The following PCDH15 variants were observed in gnomAD, a reference collection of about 807,000 sequenced individuals.
PCDH15 encodes protocadherin-15.
A neutral mutation model predicts 178.5 loss-of-function variants in PCDH15; 129 were observed. That is an observed-to-expected ratio of 0.72 (90% CI 0.63 to 0.84). The LOEUF (loss-of-function observed/expected upper bound fraction) is 0.84, where lower values mean the gene tolerates loss of function less well. Among genes scored for constraint, PCDH15 ranks in the 40% least tolerant of loss-of-function variants. The pLI, the probability that PCDH15 is intolerant of heterozygous loss-of-function variation, is 0.00. For synonymous variants in PCDH15, 800 were observed against 732.0 expected, an observed-to-expected ratio of 1.09 and a Z score of -1.50; for missense variants, 2,230 against 2,099.9, an observed-to-expected ratio of 1.06 and a Z score of -1.21.
At chr10:54,889,246 A>C (rs2131814026) in intron 3 of PCDH15, among the ~76,000 whole-genome samples, 1 of 151,934 alleles carries the variant, frequency 6.6e-6, no homozygotes, top group South Asian at 2.1e-4. Context: ...AATCATGTAT[A>C]ACTTTGTGTA....
intron 2 of PCDH15, among the ~76,000 whole-genome samples, chr10:55,376,304 G>A (rs78050069): frequency 2.0e-5 from 3 of 152,064 alleles, no homozygotes; most frequent in African/African-American, 7.2e-5. Context: ...TTATCCCACA[G>A]GATTTGCATT....
At chr10:54,505,748 A>G (rs1168959265) in intron 3 of PCDH15, among the ~76,000 whole-genome samples, 1 of 152,140 alleles carries the variant, frequency 6.6e-6, no homozygotes, top group Non-Finnish European at 1.5e-5. Context: ...ATACCTGTGC[A>G]ACAAAACTGC....
intron 3 of PCDH15, among the ~76,000 whole-genome samples, chr10:54,821,839 ATT>A (rs926241403): frequency 6.6e-6 from 1 of 151,458 alleles, no homozygotes; most frequent in Non-Finnish European, 1.5e-5. Flanking sequence ...TTTTGGAGGA[ATT>A]TTTTTTTATG....
At chr10:54,436,031 G>GGAGAGA (rs753698148) in intron 3 of PCDH15, among the ~76,000 whole-genome samples, 8 of 34,602 alleles carry the variant, frequency 2.3e-4, no homozygotes, top group South Asian at 1.3e-3. Context: ...GGAGAGGAGA[G>GGAGAGA]GAGAGAGAGA....
intron 2 of PCDH15, among the ~76,000 whole-genome samples, chr10:54,631,958 A>T (rs2134704762): frequency 6.6e-6 from 1 of 152,238 alleles, no homozygotes; most frequent in African/African-American, 2.4e-5. Flanking sequence ...ACACGTGGGG[A>T]TTAAAAGGAT....
intron 25 of PCDH15, among the ~76,000 whole-genome samples, chr10:53,931,577 A>C (rs1237945130): frequency 6.6e-6 from 1 of 152,042 alleles, no homozygotes; most frequent in Non-Finnish European, 1.5e-5. Context: ...GTCTCACTGA[A>C]ACAATATTCT....
intron 2 of PCDH15, among the ~76,000 whole-genome samples, chr10:55,551,914 C>T (rs1842010375): frequency 6.6e-6 from 1 of 151,708 alleles, no homozygotes; most frequent in Non-Finnish European, 1.5e-5. Context: ...TTTCCCTTTA[C>T]TTGTCTAAGT....
At chr10:54,528,461 A>G in intron 2 of PCDH15, 1 of 1,355,692 alleles carries the variant, frequency 7.4e-7, no homozygotes, top group Non-Finnish European at 1.0e-6. Flanking sequence ...GAAGAAAGAA[A>G]GGAAGAGAGA....
intron 25 of PCDH15, among the ~76,000 whole-genome samples, chr10:53,913,372 A>C (rs2083266845): frequency 6.6e-6 from 1 of 152,154 alleles, no homozygotes; most frequent in Non-Finnish European, 1.5e-5. Flanking sequence ...CTGAGGACTT[A>C]GGCATGACTA....
intron 2 of PCDH15, among the ~76,000 whole-genome samples, chr10:54,589,257 T>C (rs527282548): frequency 6.6e-6 from 1 of 152,296 alleles, no homozygotes; most frequent in South Asian, 2.1e-4. Flanking sequence ...CTTTTTGGTC[T>C]TTATCAAACA....
At chr10:54,711,938 G>A (rs1210126389) in intron 1 of PCDH15, among the ~76,000 whole-genome samples, 1 of 151,768 alleles carries the variant, frequency 6.6e-6, no homozygotes, top group Non-Finnish European at 1.5e-5. Context: ...TATGTCATAA[G>A]TAATTGTATT....
chr10:54,005,548 T>C lies in PCDH15; in HGVS notation c.2752-9783A>G, dbSNP rs2092355344. ...AAGACATACAAGTGATAAACCGGTA[T>C]ATAAAAAGGTGCTCAACATCATTGA... On this transcript the variant is annotated intron_variant, in intron 20 of 37. Transcript: ENST00000644397. Among the ~76,000 whole-genome samples the C allele has an allele frequency of 5.3e-5, 8 of 152,106 alleles. No homozygotes were observed. In the South Asian group the frequency reaches 1.4e-3, roughly 28 times the overall value.
In PCDH15 at chr10:53,831,301, C is replaced by T; in HGVS notation, c.4202+14G>A. On this transcript the variant is annotated intron_variant, in intron 30 of 37. Coordinates refer to ENST00000644397, the MANE Select transcript of PCDH15 (RefSeq NM_001384140.1). ...CTGAGGAACTATCCAGGTTTACCAT[C>T]CTTGAATACTTACTGTCTGTAGCTG... 6.2e-7 allele frequency: 1 copy of T among 1,612,410 alleles called. No homozygotes were observed. The highest frequency in any genetic ancestry group is 1.1e-5 in the South Asian group (1 of 91,048).
At chr10:55,279,340 T>C (rs1040440999) in intron 1 of PCDH15, among the ~76,000 whole-genome samples, 2 of 152,130 alleles carry the variant, frequency 1.3e-5, no homozygotes, top group Non-Finnish European at 2.9e-5. Context: ...TTCAGAAAAG[T>C]ACAGCAAGGA....
chr10:54,508,569 C>T (rs1192156408), intron 3 of PCDH15, among the ~76,000 whole-genome samples: 1 of 152,106 alleles, frequency 6.6e-6, no homozygotes, highest in Admixed American at 6.6e-5. Context: ...AAATCAAATG[C>T]TTATTTCATA....
intron 13 of PCDH15, among the ~76,000 whole-genome samples, chr10:54,174,945 A>T (rs777739466): frequency 7.9e-5 from 12 of 152,118 alleles, no homozygotes; most frequent in Non-Finnish European, 1.8e-4. Context: ...TCAGAATTAC[A>T]TGTTGGTGTA....
intron 1 of PCDH15, among the ~76,000 whole-genome samples, chr10:55,168,121 C>A (rs1027549478): frequency 6.6e-6 from 1 of 152,040 alleles, no homozygotes; most frequent in African/African-American, 2.4e-5. Context: ...CACTTTTTCA[C>A]AATAAAATTT....
chr10:54,082,855 T>C (rs2094456165), intron 16 of PCDH15, among the ~76,000 whole-genome samples: 2 of 151,652 alleles, frequency 1.3e-5, no homozygotes, highest in Non-Finnish European at 2.9e-5. Context: ...AAATCACATA[T>C]CTGGTAAGAG....
In PCDH15 at chr10:55,119,189, C is replaced by T. The variant is rs183474192; in HGVS notation, c.-80+47387G>A. Among the ~76,000 whole-genome samples the T allele has an allele frequency of 2.1e-3, 318 of 152,194 alleles. 1 individual carries two copies. Among genetic ancestry groups the T allele is most frequent in the African/African-American group, 7.4e-3 (309 of 41,540 alleles). On this transcript the variant is annotated intron_variant, in intron 2 of 5. Coordinates refer to the PCDH15 transcript ENST00000458638. Reference sequence around the variant, plus strand: ...AGAAGTCTCAATAATTTTAAAATGACGATGGCAGATCATTATACCAAATAC... The same window carrying T: ...AGAAGTCTCAATAATTTTAAAATGATGATGGCAGATCATTATACCAAATAC...
Sources: allele counts gnomAD v4.1 joint callset (sites outside exome capture counted in the v4.1 genomes callset), GRCh38; gene constraint gnomAD v4.1.1; transcripts MANE v1.5; gene names NCBI Gene and HGNC (gene_info 2026-07-23, HGNC 2026-07-21).